The following DLGAP2 variants were observed in gnomAD, a reference collection of about 807,000 sequenced individuals.
DLGAP2 encodes the protein disks large-associated protein 2.
DLGAP2 carries 26 observed loss-of-function variants against 100.3 expected under a neutral mutation model. That is an observed-to-expected ratio of 0.26 (90% CI 0.19 to 0.36). The LOEUF is 0.36. Ranked by LOEUF, DLGAP2 falls within the 10% of genes least tolerant of loss-of-function variation. The pLI is 1.00. For synonymous variants in DLGAP2, 886 were observed against 630.1 expected (o/e 1.41, Z -6.08); for missense variants, 1,858 against 1,453.2 (o/e 1.28, Z -4.53).
intron 4 of DLGAP2, among the ~76,000 whole-genome samples, chr8:1,506,609 G>T (rs1054338390): frequency 1.3e-5 from 2 of 152,316 alleles, no homozygotes; most frequent in South Asian, 2.1e-4. Context: ...ATCTCAGCAG[G>T]TTGCCAGTGC....
At chr8:905,024 T>C (rs989269238) in intron 1 of DLGAP2, among the ~76,000 whole-genome samples, 2 of 152,208 alleles carry the variant, frequency 1.3e-5, no homozygotes, top group African/African-American at 4.8e-5. Flanking sequence ...TAATGCACTA[T>C]CCTGCCTGTG....
chr8:1,001,778 A>G (rs1022617213), intron 2 of DLGAP2, among the ~76,000 whole-genome samples: 3 of 152,076 alleles, frequency 2.0e-5, no homozygotes, highest in South Asian at 4.1e-4. Flanking sequence ...CACTCCCCCA[A>G]ATTTCCATTA....
At chr8:894,821 T>C (rs187273966) in intron 1 of DLGAP2, among the ~76,000 whole-genome samples, 750 of 2,834 alleles carry the variant, frequency 0.26, 12 homozygotes, top group Non-Finnish European at 0.32. Context: ...CTGGCAGGGG[T>C]GGGGTGGGGA....
At chr8:900,497 A>G (rs1798231049) in intron 1 of DLGAP2, among the ~76,000 whole-genome samples, 1 of 152,160 alleles carries the variant, frequency 6.6e-6, no homozygotes, top group African/African-American at 2.4e-5. Flanking sequence ...CCGGCATATA[A>G]TTACTATTCT....
intron 3 of DLGAP2, among the ~76,000 whole-genome samples, chr8:1,431,584 G>A (rs1797441356): frequency 6.6e-6 from 1 of 152,218 alleles, no homozygotes; most frequent in African/African-American, 2.4e-5. Context: ...AGGCAGCACT[G>A]GCCACATCCA....
At chr8:958,598 A>AC (rs1455901569) in intron 2 of DLGAP2, among the ~76,000 whole-genome samples, 3 of 151,884 alleles carry the variant, frequency 2.0e-5, no homozygotes, top group Admixed American at 6.6e-5. Context: ...AAAAAAAAAA[A>AC]AAAAAACTTT....
chr8:756,955 C>A (rs1820936953), intron 1 of DLGAP2, among the ~76,000 whole-genome samples: 1 of 152,164 alleles, frequency 6.6e-6, no homozygotes, highest in African/African-American at 2.4e-5. Context: ...GAGTTTTCTG[C>A]AAAATGTCCT....
intron 3 of DLGAP2, among the ~76,000 whole-genome samples, chr8:1,329,944 C>T (rs1801110947): frequency 6.6e-6 from 1 of 152,258 alleles, no homozygotes. Context: ...AACCCCAGAG[C>T]TTCCTCTCCC....
At chr8:779,357 G>C (rs1821624205) in intron 1 of DLGAP2, among the ~76,000 whole-genome samples, 1 of 152,144 alleles carries the variant, frequency 6.6e-6, no homozygotes, top group African/African-American at 2.4e-5. Flanking sequence ...GGCCATCTTG[G>C]CTCCTCCCCT....
intron 1 of DLGAP2, among the ~76,000 whole-genome samples, chr8:771,478 C>G (rs1821358846): frequency 6.6e-6 from 1 of 152,228 alleles, no homozygotes; most frequent in Non-Finnish European, 1.5e-5. Flanking sequence ...CTAGCCGGGT[C>G]TAAGGCAGGC....
chr8:1,436,418 C>G (rs1281481643), intron 3 of DLGAP2, among the ~76,000 whole-genome samples: 1 of 152,160 alleles, frequency 6.6e-6, no homozygotes, highest in Non-Finnish European at 1.5e-5. Flanking sequence ...TTTATCCTAG[C>G]CGTGCTGGCA....
chr8:1,237,490 C>G (rs1798688200), intron 2 of DLGAP2, among the ~76,000 whole-genome samples: 1 of 143,802 alleles, frequency 7.0e-6, no homozygotes, highest in Non-Finnish European at 1.5e-5. Flanking sequence ...AGTTCTCTCT[C>G]ACACATAGCG....
At chr8:1,586,274 T>G (rs1174890271) in intron 6 of DLGAP2, among the ~76,000 whole-genome samples, 1 of 152,224 alleles carries the variant, frequency 6.6e-6, no homozygotes, top group East Asian at 1.9e-4. Context: ...GATGTTACAG[T>G]TGCGGGACCG....
intron 3 of DLGAP2, among the ~76,000 whole-genome samples, chr8:1,470,687 G>A (rs958060919): frequency 1.3e-5 from 2 of 152,018 alleles, no homozygotes; most frequent in Admixed American, 1.3e-4. Context: ...AGATCCTGTA[G>A]CTCCACGTGG....
intron 3 of DLGAP2, chr8:1,262,464 A>G (rs1307857025): frequency 6.6e-6 from 1 of 152,296 alleles, no homozygotes; most frequent in Non-Finnish European, 1.5e-5. Context: ...TGGCGTGAAA[A>G]TGGAGCGGCA....
chr8:861,343 T>C (rs1388199516), intron 1 of DLGAP2, among the ~76,000 whole-genome samples: 1 of 152,166 alleles, frequency 6.6e-6, no homozygotes, highest in Admixed American at 6.5e-5. Context: ...TGGAGTTTGG[T>C]GTCTGCACGG....
chr8:1,076,895 C>T (rs1429651239), intron 2 of DLGAP2, among the ~76,000 whole-genome samples: 1 of 127,996 alleles, frequency 7.8e-6, no homozygotes, highest in Non-Finnish European at 1.6e-5. Context: ...GAGGAGGAGT[C>T]TGTCCCGGCC....
At position 1,346,041 on chromosome 8, in the gene DLGAP2, G is replaced by A. The variant is rs944518589; in HGVS notation, c.106+87158G>A. 2.2e-4 allele frequency among the ~76,000 whole-genome samples: 34 copies of A among 152,202 alleles called. 1 individual carries two copies. The highest frequency in any genetic ancestry group is 7.5e-4 in the African/African-American group (31 of 41,456). On this transcript the variant is annotated intron_variant, in intron 3 of 14. Coordinates refer to ENST00000637795, the MANE Select transcript of DLGAP2 (RefSeq NM_001346810.2). Reference sequence around the variant, plus strand: ...CAGATGGGACAGGCTCAATGCCCACGCCATGGGCACTGTGCTCATGGTGGC... The same window carrying A: ...CAGATGGGACAGGCTCAATGCCCACACCATGGGCACTGTGCTCATGGTGGC...
chr8:1,326,636 G>T, intron 3 of DLGAP2, among the ~76,000 whole-genome samples: 1 of 152,190 alleles, frequency 6.6e-6, no homozygotes, highest in East Asian at 1.9e-4. Flanking sequence ...CTGTCACTCA[G>T]GACACGGCGA....
Sources: allele counts gnomAD v4.1 joint callset (sites outside exome capture counted in the v4.1 genomes callset), GRCh38; gene constraint gnomAD v4.1.1; transcripts MANE v1.5; gene names NCBI Gene and HGNC (gene_info 2026-07-23, HGNC 2026-07-21).